The following AKT2 variants were observed in gnomAD, a reference collection of about 807,000 sequenced individuals.
AKT2 encodes the protein AKT serine/threonine kinase 2.
AKT2 carries 16 observed loss-of-function variants against 58.6 expected under a neutral mutation model. The ratio of observed to expected loss-of-function variants is 0.27; its 90% CI spans 0.18 to 0.41. The LOEUF (loss-of-function observed/expected upper bound fraction) is 0.41, where lower values mean the gene tolerates loss of function less well. Ranked by LOEUF, AKT2 falls within the 10% of genes least tolerant of loss-of-function variation. The pLI is 1.00. For synonymous variants in AKT2, 253 were observed against 254.0 expected (o/e 1.00, Z 0.04); for missense variants, 438 against 661.0 (o/e 0.66, Z 3.70).
intron 4 of AKT2, among the ~76,000 whole-genome samples, chr19:40,251,222 T>C (rs1353229760): frequency 2.6e-5 from 4 of 152,182 alleles, no homozygotes; most frequent in Non-Finnish European, 5.9e-5. Flanking sequence ...AAGTTTTAAA[T>C]TTAAAAAATT....
At chr19:40,272,919 T>G (rs2077241671) in intron 1 of AKT2, among the ~76,000 whole-genome samples, 1 of 152,202 alleles carries the variant, frequency 6.6e-6, no homozygotes, top group Non-Finnish European at 1.5e-5. Context: ...CACCTCTGTT[T>G]CCTCATCTGT....
chr19:40,231,931 C>T lies in AKT2; in HGVS notation c.*1941G>A. On this transcript the variant is annotated 3_prime_UTR_variant, in exon 14 of 14. Coordinates refer to ENST00000392038, the MANE Select transcript of AKT2 (RefSeq NM_001626.6). Reference sequence around the variant, plus strand: ...AGGGAGGTGGGGCAGGATAGGAATGCCCCCCTCTGAGGCTCGGCAGCCGGG... The same window carrying T: ...AGGGAGGTGGGGCAGGATAGGAATGTCCCCCTCTGAGGCTCGGCAGCCGGG... 4.3e-6 allele frequency: 1 copy of T among 233,428 alleles called. No individual in the cohort carries two copies. Among genetic ancestry groups the T allele is most frequent in the Non-Finnish European group, 8.5e-6 (1 of 118,160 alleles). 14.5% of individuals were successfully genotyped at this position (233,428 alleles called of 1,614,324 possible).
chr19:40,256,851 A>G, intron 3 of AKT2, 75 bp downstream of exon 3: 1 of 1,605,458 alleles, frequency 6.2e-7, no homozygotes, highest in Non-Finnish European at 8.5e-7. Flanking sequence ...TCAATGACCA[A>G]GTCCCACAAG....
chr19:40,273,868 C>T (rs2077263105), intron 1 of AKT2, among the ~76,000 whole-genome samples: 2 of 152,144 alleles, frequency 1.3e-5, no homozygotes, highest in African/African-American at 4.8e-5. Context: ...GGACCTCTCC[C>T]TAGTGCCCAT....
chr19:40,248,128 C>T (rs773996435), intron 4 of AKT2, among the ~76,000 whole-genome samples: 15 of 152,278 alleles, frequency 9.9e-5, no homozygotes, highest in South Asian at 2.1e-4. Context: ...ATGGCCTGGA[C>T]GTGGATCCCA....
chr19:40,233,755 G>T lies in AKT2; in HGVS notation c.*117C>A. 1 of 999,390 alleles carries T rather than the reference G, an allele frequency of 1.0e-6. No individual in the cohort carries two copies. The highest frequency in any genetic ancestry group is 2.1e-4 in the Middle Eastern group (1 of 4,834). The allele number at this position is 999,390 out of a possible 1,614,324, so 61.9% of individuals were successfully genotyped here. A position where few individuals can be genotyped will look rare whatever the true frequency, so the allele number is the denominator to read the frequency against. The stretch of plus-strand genomic sequence containing the variant: ...GAGGGGCCTGAAGAAGAACTGGAAA[G>T]GGGGTGAGGAGGTGGGGGTGGGGAC... On this transcript the variant is annotated 3_prime_UTR_variant, in exon 14 of 14. Transcript: ENST00000392038. This position sits in a 1 kb window ranked among gnomAD's most constrained non-coding sequence, Gnocchi z 4.3.
chr19:40,241,309 C>G (rs879551589), intron 6 of AKT2: 2 of 161,588 alleles, frequency 1.2e-5, no homozygotes, highest in Non-Finnish European at 2.7e-5. Flanking sequence ...ATGGCAGCAC[C>G]ACATGATTAT....
At chr19:40,267,270 C>A (rs184220130) in intron 1 of AKT2, among the ~76,000 whole-genome samples, 1 of 152,168 alleles carries the variant, frequency 6.6e-6, no homozygotes, top group Non-Finnish European at 1.5e-5. Flanking sequence ...TTCAGGACCT[C>A]GCCTCTGCTG....
intron 2 of AKT2, among the ~76,000 whole-genome samples, chr19:40,262,313 A>T (rs935445872): frequency 1.3e-5 from 2 of 152,022 alleles, no homozygotes; most frequent in African/African-American, 4.8e-5. Flanking sequence ...TATTTTGCGG[A>T]TGGGGAAACT....
intron 1 of AKT2, among the ~76,000 whole-genome samples, chr19:40,284,317 T>C (rs2077475653): frequency 6.6e-6 from 1 of 152,134 alleles, no homozygotes; most frequent in South Asian, 2.1e-4. Flanking sequence ...TTCAGAATGT[T>C]AAGGCTCAGA....
chr19:40,280,919 G>A (rs566623133), intron 1 of AKT2: 3 of 152,430 alleles, frequency 2.0e-5, no homozygotes, highest in Non-Finnish European at 2.9e-5. Flanking sequence ...AACCTGTTTC[G>A]GGTTGGTCTT....
At chr19:40,272,610 T>C (rs184798913) in intron 1 of AKT2, among the ~76,000 whole-genome samples, 33 of 152,342 alleles carry the variant, frequency 2.2e-4, no homozygotes, top group African/African-American at 5.8e-4. Flanking sequence ...GAGATTGGCA[T>C]GTACCTTGCA....
rs556620679 is a variant in AKT2 at position 40,255,339 on chromosome 19, C to T, written c.176-70G>A. 2.7e-4 allele frequency: 352 copies of T among 1,284,224 alleles called. 1 individual carries two copies. Among genetic ancestry groups the T allele is most frequent in the Non-Finnish European group, 1.7e-5 (15 of 883,552 alleles). The allele number at this position is 1,284,224 out of a possible 1,614,324, so 79.6% of individuals were successfully genotyped here. A position where few individuals can be genotyped will look rare whatever the true frequency, so the allele number is the denominator to read the frequency against. ...CTGCTAGCCTGCAGCCCAAAGTGCC[C>T]GAGCCACCTCCCACAGGCCTAGCCC... On this transcript the variant is annotated intron_variant, in intron 3 of 13. Transcript: ENST00000392038.
intron 1 of AKT2, chr19:40,275,576 G>A (rs1035237316): frequency 2.9e-6 from 1 of 341,680 alleles, no homozygotes; most frequent in Middle Eastern, 6.1e-4. Context: ...ACCGCAACCA[G>A]AGCAGAACTA....
chr19:40,263,043 C>A (rs1403939968), intron 2 of AKT2, among the ~76,000 whole-genome samples: 1 of 152,218 alleles, frequency 6.6e-6, no homozygotes, highest in Non-Finnish European at 1.5e-5. Context: ...GCTAGGCCAT[C>A]CCAGATGACA....
Position 40,237,839 on chromosome 19 carries a change from G to A in AKT2, c.831+130C>T, listed in dbSNP as rs112484768. The A allele has an allele frequency of 7.3e-7, 1 of 1,368,664 alleles. No individual in the cohort carries two copies. The highest frequency in any genetic ancestry group is 1.4e-5 in the African/African-American group (1 of 69,986). 84.8% of individuals were successfully genotyped at this position (1,368,664 alleles called of 1,614,324 possible). On this transcript the variant is annotated intron_variant, in intron 9 of 13. Transcript: ENST00000392038. This position sits in a 1 kb window ranked among gnomAD's most constrained non-coding sequence, Gnocchi z 4.5. ...CTTGGTGGGGAGCCTGGCGAATGAG[G>A]GCAGCCACCACCCTGGACCTTGGTG...
chr19:40,244,217 A>G (rs377626451), intron 4 of AKT2: 1 of 151,942 alleles, frequency 6.6e-6, no homozygotes, highest in Non-Finnish European at 1.5e-5. Context: ...CTGAGACGGG[A>G]CGATGGCTTG....
intron 1 of AKT2, chr19:40,274,877 C>T (rs1233966610): frequency 2.0e-5 from 7 of 357,140 alleles, no homozygotes; most frequent in Admixed American, 1.1e-4. Context: ...GGGAACTATC[C>T]GCCTGAGGCG....
intron 4 of AKT2, among the ~76,000 whole-genome samples, chr19:40,249,314 G>A (rs565872831): frequency 3.4e-4 from 52 of 152,298 alleles, no homozygotes; most frequent in African/African-American, 1.3e-3. Flanking sequence ...GGAGACAGAG[G>A]TAAGAAAGGT....
Sources: allele counts gnomAD v4.1 joint callset (sites outside exome capture counted in the v4.1 genomes callset), GRCh38; gene constraint gnomAD v4.1.1; non-coding constraint Gnocchi (gnomAD v3.1); transcripts MANE v1.5; gene names NCBI Gene and HGNC (gene_info 2026-07-23, HGNC 2026-07-21).